The following MINK1 variants were observed in gnomAD, a reference collection of about 807,000 sequenced individuals.
MINK1 encodes the protein misshapen-like kinase 1.
In MINK1, 46 loss-of-function variants were observed where a neutral mutation model predicts 178.4. The observed-to-expected ratio is 0.26, with a 90% CI of 0.20 to 0.33. The LOEUF (loss-of-function observed/expected upper bound fraction) is 0.33. Ranked by LOEUF, MINK1 falls within the 10% of genes least tolerant of loss-of-function variation. MINK1 has a pLI of 1.00. For missense variants in MINK1, 1,366 were observed against 1,814.9 expected, an observed-to-expected ratio of 0.75 and a Z score of 4.49; for synonymous variants, 797 against 709.7, an observed-to-expected ratio of 1.12 and a Z score of -1.96.
chr17:4,839,393 C>A (rs1186055376), intron 1 of MINK1, among the ~76,000 whole-genome samples: 1 of 152,176 alleles, frequency 6.6e-6, no homozygotes, highest in Non-Finnish European at 1.5e-5. Context: ...AGCCCCACTC[C>A]CTTCGACACC....
At chr17:4,879,648 G>A (rs1236193638) in intron 2 of MINK1, among the ~76,000 whole-genome samples, 1 of 152,196 alleles carries the variant, frequency 6.6e-6, no homozygotes, top group Non-Finnish European at 1.5e-5. Context: ...GAAGCCTTTG[G>A]GCATTCCTCT....
Position 4,892,638 on chromosome 17 carries a change from A to C in MINK1, c.2199-18A>C, listed in dbSNP as rs1968973071. The C allele has an allele frequency of 6.3e-7, 1 of 1,586,220 alleles. No individual in the cohort carries two copies. Reference sequence around the variant, plus strand: ...GGAGCACCGTGCCTCCCTGACCCTGACTCTGCCCCCCCAACAGTAACCCCG... The same window carrying C: ...GGAGCACCGTGCCTCCCTGACCCTGCCTCTGCCCCCCCAACAGTAACCCCG... On this transcript the variant is annotated intron_variant, in intron 18 of 31. Coordinates refer to ENST00000355280, the MANE Select transcript of MINK1 (RefSeq NM_153827.5).
At chr17:4,858,996 C>G (rs142083691) in intron 1 of MINK1, 1 of 303,720 alleles carries the variant, frequency 3.3e-6, no homozygotes, top group African/African-American at 3.7e-5. Flanking sequence ...ACACCAGGCA[C>G]CCGGGGCAGC....
intron 13 of MINK1, chr17:4,890,201 A>AC: frequency 6.3e-5 from 11 of 175,484 alleles, no homozygotes; most frequent in Non-Finnish European, 9.0e-5. Context: ...TCTGCCCCCC[A>AC]CCCCACACCC....
chr17:4,894,616 A>G lies in MINK1; in HGVS notation c.2900A>G (p.Asp967Gly). ...LGIYQPGGSG[D>G]SIPITALVGG... Reference sequence around the variant, plus strand: ...ATCTACCAGCCTGGAGGCAGTGGGGACAGCATCCCCATCACAGGTGAGGAC... The same window carrying G: ...ATCTACCAGCCTGGAGGCAGTGGGGGCAGCATCCCCATCACAGGTGAGGAC... Residue 967 changes from aspartate to glycine, a missense_variant, in exon 24 of 32, where the codon GAC becomes GGC. By Grantham distance (94) the Asp-to-Gly change is moderately conservative. Around this residue, in one of 14 missense-constraint regions of MINK1, gnomAD observed 709 missense variants for 692.3 expected, o/e 1.02. Coordinates refer to ENST00000355280, the MANE Select transcript of MINK1 (RefSeq NM_153827.5). This position sits in a 1 kb window ranked among gnomAD's most constrained non-coding sequence, Gnocchi z 4.1. The G allele has an allele frequency of 1.2e-6, 2 of 1,605,480 alleles. No individual in the cohort carries two copies. Among genetic ancestry groups the G allele is most frequent in the South Asian group, 2.2e-5 (2 of 89,412 alleles).
intron 1 of MINK1, among the ~76,000 whole-genome samples, chr17:4,871,816 C>T (rs1915891189): frequency 6.6e-6 from 1 of 152,142 alleles, no homozygotes; most frequent in African/African-American, 2.4e-5. Flanking sequence ...TCAGTTTCTC[C>T]ATGCCCTCAG....
At chr17:4,874,164 T>A (rs1365630668) in intron 1 of MINK1, among the ~76,000 whole-genome samples, 2 of 152,232 alleles carry the variant, frequency 1.3e-5, no homozygotes, top group African/African-American at 4.8e-5. Context: ...TCTATAAAAT[T>A]ATAAGGTTTT....
intron 14 of MINK1, 98 bp from the exon 15 acceptor site, chr17:4,890,853 A>G: frequency 6.6e-7 from 1 of 1,525,986 alleles, no homozygotes. Flanking sequence ...AGCACACAGC[A>G]CAGAGCATAG....
In MINK1 at chr17:4,896,517, T is replaced by C; in HGVS notation, c.3704T>C (p.Val1235Ala). 1 of 1,613,946 alleles carries C rather than the reference T, an allele frequency of 6.2e-7. No homozygotes were observed. The highest frequency in any genetic ancestry group is 8.5e-7 in the Non-Finnish European group (1 of 1,179,858). ...CTGCTGTGCTACGAGGACGAGGGTG[T>C]CTACGTCAACACGTACGGGCGCATC... The part of the protein sequence containing the change: ...EMLLCYEDEG[V>A]YVNTYGRIIK... Residue 1235 changes from valine to alanine, a missense_variant, in exon 30 of 32, where the codon GTC (valine) becomes GCC (alanine). Coordinates refer to ENST00000355280, the MANE Select transcript of MINK1 (RefSeq NM_153827.5). This position sits in a 1 kb window ranked among gnomAD's most constrained non-coding sequence, Gnocchi z 4.6.
intron 1 of MINK1, chr17:4,854,879 C>A (rs73341669): frequency 0.99 from 433,227 of 438,398 alleles, 214,260 homozygotes; most frequent in East Asian, 1. Context: ...GAGTAAGAAG[C>A]GCTGAGAAAA....
Position 4,895,005 on chromosome 17 carries a change from G to T in MINK1, c.2918-70G>T. The T allele has an allele frequency of 6.5e-7, 1 of 1,529,328 alleles. No homozygotes were observed. Among genetic ancestry groups the T allele is most frequent in the African/African-American group, 1.4e-5 (1 of 73,308 alleles). The allele number at this position is 1,529,328 out of a possible 1,614,324, so 94.7% of individuals were successfully genotyped here. On this transcript the variant is annotated intron_variant, in intron 24 of 31. Coordinates refer to ENST00000355280, the MANE Select transcript of MINK1 (RefSeq NM_153827.5). This position sits in a 1 kb window ranked among gnomAD's most constrained non-coding sequence, Gnocchi z 4.3. ...TATGAGGTGCCAAGACCTGATATAG[G>T]GGATGGAGGTAAAAAGAGATGGGGT... is the stretch of plus-strand genomic sequence containing the variant.
intron 1 of MINK1, among the ~76,000 whole-genome samples, chr17:4,837,187 AAACAAC>A (rs1334687761): frequency 1.3e-5 from 2 of 152,176 alleles, no homozygotes. Flanking sequence ...ACTCTGTTTC[AAACAAC>A]AACAACAACT....
intron 1 of MINK1, among the ~76,000 whole-genome samples, chr17:4,866,596 A>T (rs1448576411): frequency 7.1e-6 from 1 of 140,204 alleles, no homozygotes; most frequent in African/African-American, 2.7e-5. Flanking sequence ...ACATAGTGAG[A>T]CCCTGATTCT....
Position 4,836,121 on chromosome 17 carries a change from G to A in MINK1, c.57+2481G>A, listed in dbSNP as rs2150719583. 6.6e-6 allele frequency among the ~76,000 whole-genome samples: 1 copy of A among 152,272 alleles called. No homozygotes were observed. Among genetic ancestry groups the A allele is most frequent in the East Asian group, 1.9e-4 (1 of 5,178 alleles). On this transcript the variant is annotated intron_variant, in intron 1 of 31. Coordinates refer to ENST00000355280, the MANE Select transcript of MINK1 (RefSeq NM_153827.5). The surrounding 1 kb of genome is among the most constrained non-coding windows in gnomAD (Gnocchi z 4.3). ...CAAGCAGCTAGTGTGGTCATCTCTT[G>A]TGCTATTCCTGTCTGTTTTCCAGTG...
rs1038288858 is a variant in MINK1 at position 4,895,428 on chromosome 17, T to C, written c.3164T>C (p.Ile1055Thr). 7.5e-6 allele frequency: 12 copies of C among 1,609,208 alleles called. No individual in the cohort carries two copies. The highest frequency in any genetic ancestry group is 1.0e-5 in the Non-Finnish European group (12 of 1,177,196). ...GGGCAGGGCAAGGTGTATGGACTCA[T>C]TGGGCGGCGACGCTTCCAGCAGATG... is the stretch of plus-strand genomic sequence containing the variant. ...RSGQGKVYGL[I>T]GRRRFQQMDV... Residue 1055 changes from isoleucine to threonine, a missense_variant, in exon 26 of 32, where the codon ATT (isoleucine) becomes ACT (threonine). By Grantham distance (89) the Ile-to-Thr change is moderately conservative. Coordinates refer to ENST00000355280, the MANE Select transcript of MINK1 (RefSeq NM_153827.5). The surrounding 1 kb of genome is among the most constrained non-coding windows in gnomAD (Gnocchi z 4.3).
chr17:4,879,698 G>A lies in MINK1; in HGVS notation c.124-1286G>A, dbSNP rs545863960. On this transcript the variant is annotated intron_variant, in intron 2 of 31. Coordinates refer to ENST00000355280, the MANE Select transcript of MINK1 (RefSeq NM_153827.5). The stretch of plus-strand genomic sequence containing the variant: ...CTCCCACTGGGAATTTCAGAAGGAT[G>A]TTGGGGGAGGAGGGCAATGGCTGGG... 9.2e-5 allele frequency among the ~76,000 whole-genome samples: 14 copies of A among 152,324 alleles called. No individual in the cohort carries two copies. In the South Asian group the frequency reaches 2.7e-3, roughly 29 times the overall value.
chr17:4,838,059 G>A (rs144645808), intron 1 of MINK1, among the ~76,000 whole-genome samples: 7 of 152,312 alleles, frequency 4.6e-5, no homozygotes, highest in Non-Finnish European at 1.0e-4. Context: ...CTGTCCAAAT[G>A]TTGATGACAG....
At chr17:4,893,860 C>G (rs983749754) in intron 21 of MINK1, 128 bp from the exon 22 acceptor site, 28 of 892,736 alleles carry the variant, frequency 3.1e-5, no homozygotes, top group Non-Finnish European at 4.5e-5. Context: ...AGGGGCTACA[C>G]CGTGAGGGTG....
At chr17:4,888,630 C>G (rs924539130) in intron 12 of MINK1, among the ~76,000 whole-genome samples, 1 of 150,162 alleles carries the variant, frequency 6.7e-6, no homozygotes, top group Non-Finnish European at 1.5e-5. Context: ...GACTCCGTCT[C>G]CAAAAAATAA....
Sources: gnomAD v4.1 joint callset for allele counts (sites outside exome capture counted in the v4.1 genomes callset) on GRCh38, gnomAD v4.1.1 for gene constraint, gnomAD v4.1.1 regional missense constraint, Gnocchi (gnomAD v3.1) non-coding constraint, MANE v1.5 for transcripts, NCBI Gene and HGNC (gene_info 2026-07-23, HGNC 2026-07-21) for gene names.